The following DNM3 variants were observed in gnomAD, a reference collection of about 807,000 sequenced individuals.
DNM3 encodes dynamin 3.
A neutral mutation model predicts 101.6 loss-of-function variants in DNM3; 47 were observed. The observed-to-expected ratio is 0.46, with a 90% confidence interval of 0.37 to 0.59. DNM3 has a LOEUF of 0.59. Ranked by LOEUF, DNM3 falls within the 20% of genes least tolerant of loss-of-function variation. The probability of loss-of-function intolerance (pLI) is 0.00; values close to 1 mark genes in which losing one functional copy is unlikely to be tolerated. For synonymous variants in DNM3, 385 were observed against 387.9 expected (o/e 0.99, Z 0.09); for missense variants, 849 against 1,085.7 (o/e 0.78, Z 3.06).
chr1:172,102,433 T>C (rs956236784), intron 13 of DNM3, among the ~76,000 whole-genome samples: 2 of 152,180 alleles, frequency 1.3e-5, no homozygotes, highest in African/African-American at 4.8e-5. Flanking sequence ...CTTTGAGATC[T>C]AGAGTTTTAT....
intron 2 of DNM3, among the ~76,000 whole-genome samples, chr1:171,956,777 T>C (rs2042886605): frequency 6.6e-6 from 1 of 152,188 alleles, no homozygotes; most frequent in African/African-American, 2.4e-5. Flanking sequence ...TCCAGGCATT[T>C]CCATACATCC....
rs191033052 is a variant in DNM3, at chr1:172,258,774, T to A, written c.1769+5092T>A. On this transcript the variant is annotated intron_variant, in intron 15 of 20. Coordinates refer to ENST00000627582, the MANE Select transcript of DNM3 (RefSeq NM_015569.5). ...GTTCCACTCTTATCTTTATTATTTA[T>A]TTCCTTCTATTAATTCTGGGTTTTG... is the stretch of plus-strand genomic sequence containing the variant. Among the ~76,000 whole-genome samples the A allele has an allele frequency of 2.2e-4, 34 of 152,114 alleles. 1 individual carries two copies. The East Asian group carries it at 5.2e-3, about 23-fold the overall frequency.
At chr1:172,388,000 G>A (rs1002274307) in intron 19 of DNM3, among the ~76,000 whole-genome samples, 1 of 152,118 alleles carries the variant, frequency 6.6e-6, no homozygotes, top group Non-Finnish European at 1.5e-5. Context: ...TTGGGAGGCC[G>A]AGGCAAGCGG....
At chr1:172,087,701 G>A (rs1230078007) in intron 12 of DNM3, among the ~76,000 whole-genome samples, 1 of 151,760 alleles carries the variant, frequency 6.6e-6, no homozygotes, top group Non-Finnish European at 1.5e-5. Flanking sequence ...TATCATCATT[G>A]CCACTACTAA....
chr1:172,061,958 G>A (rs1042672886), intron 10 of DNM3, among the ~76,000 whole-genome samples: 2 of 152,170 alleles, frequency 1.3e-5, no homozygotes, highest in African/African-American at 4.8e-5. Flanking sequence ...CATGTCTAAT[G>A]TAATAGGCTT....
chr1:171,895,360 T>G (rs1477033170), intron 1 of DNM3, among the ~76,000 whole-genome samples: 1 of 152,224 alleles, frequency 6.6e-6, no homozygotes, highest in Non-Finnish European at 1.5e-5. Flanking sequence ...CTCATTGTGG[T>G]TTTGATTTGC....
At chr1:172,113,316 C>G (rs977311963) in intron 13 of DNM3, among the ~76,000 whole-genome samples, 2 of 152,116 alleles carry the variant, frequency 1.3e-5, no homozygotes, top group Non-Finnish European at 2.9e-5. Flanking sequence ...CACCACAATT[C>G]TATAAGGGGA....
In DNM3 at chr1:172,319,518, C is replaced by T. The variant is rs572947037; in HGVS notation, c.1882-3811C>T. ...GCTAATATCCAGAATCTACAATGAA[C>T]TCAAACAAATTTACAAGAAAAAAAC... On this transcript the variant is annotated intron_variant, in intron 16 of 20. Transcript: ENST00000627582. Among the ~76,000 whole-genome samples, 1,043 of 152,210 alleles carry T rather than the reference C, an allele frequency of 6.9e-3. 12 individuals are homozygous for T. Among genetic ancestry groups the T allele is most frequent in the African/African-American group, 0.024 (995 of 41,478 alleles).
intron 4 of DNM3, among the ~76,000 whole-genome samples, chr1:172,021,286 T>C (rs77551839): frequency 0.028 from 4,242 of 152,062 alleles, 90 homozygotes; most frequent in Middle Eastern, 0.085. Flanking sequence ...GCCTGGGCAA[T>C]ATAGCAAGGT....
intron 13 of DNM3, among the ~76,000 whole-genome samples, chr1:172,093,303 C>T (rs2054035880): frequency 6.6e-6 from 1 of 152,126 alleles, no homozygotes; most frequent in African/African-American, 2.4e-5. Context: ...ATGAAGAACG[C>T]AGTTGTTGGA....
At chr1:171,898,100 C>A (rs1203229756) in intron 1 of DNM3, among the ~76,000 whole-genome samples, 12 of 152,072 alleles carry the variant, frequency 7.9e-5, no homozygotes, top group Non-Finnish European at 5.9e-5. Flanking sequence ...TTGTATTTGG[C>A]AAGAACTTCA....
chr1:171,981,916 C>A lies in DNM3; in HGVS notation c.236-5740C>A, dbSNP rs540585382. On this transcript the variant is annotated intron_variant, in intron 2 of 20. Transcript: ENST00000627582. ...GGTTTCAATGCTTATGTACACATAACCTTCATCCTTTGTATGACTTTGTGG... is the reference window on the plus strand; with the variant it reads ...GGTTTCAATGCTTATGTACACATAAACTTCATCCTTTGTATGACTTTGTGG... Among the ~76,000 whole-genome samples the A allele has an allele frequency of 2.0e-5, 3 of 152,298 alleles. No homozygotes were observed. The South Asian group carries it at 6.2e-4, about 32-fold the overall frequency.
chr1:172,302,002 G>A (rs893016597), intron 15 of DNM3, among the ~76,000 whole-genome samples: 8 of 152,146 alleles, frequency 5.3e-5, no homozygotes, highest in Non-Finnish European at 8.8e-5. Context: ...TCCAACTGAG[G>A]TACCTGGTTT....
intron 16 of DNM3, among the ~76,000 whole-genome samples, chr1:172,313,951 C>T (rs1182315715): frequency 6.6e-6 from 1 of 151,402 alleles, no homozygotes. Flanking sequence ...CCCCTAGCCC[C>T]CTACCCCCCG....
intron 17 of DNM3, among the ~76,000 whole-genome samples, chr1:172,352,924 C>G (rs1160434705): frequency 6.6e-6 from 1 of 152,134 alleles, no homozygotes; most frequent in African/African-American, 2.4e-5. Flanking sequence ...TAGACACAAG[C>G]AAACACAATA....
At chr1:171,862,454 A>C (rs916623461) in intron 1 of DNM3, among the ~76,000 whole-genome samples, 13 of 152,198 alleles carry the variant, frequency 8.5e-5, no homozygotes, top group African/African-American at 3.1e-4. Flanking sequence ...ACATGGATAA[A>C]TCTTAAAAAC....
intron 20 of DNM3, among the ~76,000 whole-genome samples, chr1:172,406,552 C>A (rs2070901500): frequency 6.6e-6 from 1 of 152,006 alleles, no homozygotes; most frequent in South Asian, 2.1e-4. Context: ...AGGAATTCTA[C>A]TAATATCTAT....
At chr1:172,153,947 A>G (rs1332382523) in intron 14 of DNM3, among the ~76,000 whole-genome samples, 1 of 152,116 alleles carries the variant, frequency 6.6e-6, no homozygotes, top group Admixed American at 6.6e-5. Flanking sequence ...CTAAGGTTCC[A>G]AAGAATATTG....
intron 14 of DNM3, among the ~76,000 whole-genome samples, chr1:172,179,394 G>A (rs1246524597): frequency 6.6e-6 from 1 of 151,826 alleles, no homozygotes; most frequent in Non-Finnish European, 1.5e-5. Flanking sequence ...TGGTATGAAC[G>A]TGCTTTGAAA....
Sources: allele counts gnomAD v4.1 joint callset (sites outside exome capture counted in the v4.1 genomes callset), GRCh38; gene constraint gnomAD v4.1.1; transcripts MANE v1.5; gene names NCBI Gene and HGNC (gene_info 2026-07-23, HGNC 2026-07-21).